Variants in CKMT2 observed in about 807,000 individuals in gnomAD.
CKMT2 encodes the protein creatine kinase S-type, mitochondrial.
CKMT2 carries 43 observed loss-of-function variants against 48.9 expected under a neutral mutation model. That is an observed-to-expected ratio of 0.88 (90% confidence interval 0.69 to 1.13). The LOEUF (loss-of-function observed/expected upper bound fraction) is 1.13, where lower values mean the gene tolerates loss of function less well. Among genes scored for constraint, CKMT2 ranks in the 50% most tolerant of loss-of-function variants. The probability of loss-of-function intolerance (pLI) is 0.00; values close to 1 mark genes in which losing one functional copy is unlikely to be tolerated. For synonymous variants in CKMT2, 206 were observed against 213.0 expected (o/e 0.97, Z 0.29); for missense variants, 472 against 555.4 (o/e 0.85, Z 1.51).
At chr5:81,261,437 T>C (rs180721488) in intron 8 of CKMT2, among the ~76,000 whole-genome samples, 1 of 152,204 alleles carries the variant, frequency 6.6e-6, no homozygotes, top group Non-Finnish European at 1.5e-5. Context: ...GATGACATGA[T>C]TGTATATTTA....
intron 1 of CKMT2, among the ~76,000 whole-genome samples, chr5:81,242,035 G>C (rs1214756897): frequency 6.6e-6 from 1 of 152,000 alleles, no homozygotes; most frequent in Non-Finnish European, 1.5e-5. Context: ...TGTTATCTGT[G>C]GGGTAGTCTC....
intron 1 of CKMT2, chr5:81,250,703 C>T (rs2112801579): frequency 6.6e-6 from 1 of 152,588 alleles, no homozygotes; most frequent in East Asian, 1.9e-4. Context: ...TTTCTCCTAC[C>T]TTTCAGAAGT....
intron 1 of CKMT2, among the ~76,000 whole-genome samples, chr5:81,237,336 G>A (rs949924672): frequency 5.9e-5 from 9 of 152,188 alleles, no homozygotes; most frequent in African/African-American, 1.9e-4. Flanking sequence ...AGCCTGTCCC[G>A]TCGTCTTCAC....
At chr5:81,236,726 A>G (rs1756254753) in intron 1 of CKMT2, among the ~76,000 whole-genome samples, 1 of 152,156 alleles carries the variant, frequency 6.6e-6, no homozygotes, top group Non-Finnish European at 1.5e-5. Context: ...GGAGTCTGGA[A>G]GAAGAACTGG....
intron 8 of CKMT2, 92 bp from the exon 9 acceptor site, chr5:81,263,399 C>A: frequency 1.5e-6 from 1 of 649,496 alleles, no homozygotes; most frequent in Non-Finnish European, 2.3e-6. Context: ...AAACTGTTAT[C>A]TCTCACTATA....
intron 1 of CKMT2, among the ~76,000 whole-genome samples, chr5:81,233,589 G>C (rs1439424799): frequency 6.6e-6 from 1 of 152,146 alleles, no homozygotes; most frequent in Admixed American, 6.5e-5. Context: ...GGTGGGGGCA[G>C]CTCAGCACCA....
chr5:81,256,464 T>C (rs573590392), intron 5 of CKMT2, among the ~76,000 whole-genome samples: 1 of 152,302 alleles, frequency 6.6e-6, no homozygotes, highest in African/African-American at 2.4e-5. Context: ...TTACTGTACA[T>C]CTCTAATACT....
At chr5:81,242,366 C>A (rs1281252336) in intron 1 of CKMT2, 4 of 457,320 alleles carry the variant, frequency 8.7e-6, no homozygotes, top group Non-Finnish European at 1.3e-5. Context: ...TGATGACATC[C>A]TTGGGCTGAG....
intron 1 of CKMT2, among the ~76,000 whole-genome samples, chr5:81,245,879 C>G (rs1042838973): frequency 4.6e-5 from 7 of 152,134 alleles, no homozygotes; most frequent in African/African-American, 1.7e-4. Flanking sequence ...CCAGTGGGCC[C>G]CAACACCTAA....
chr5:81,260,868 G>C (rs1757198976), intron 8 of CKMT2, among the ~76,000 whole-genome samples: 1 of 152,132 alleles, frequency 6.6e-6, no homozygotes, highest in African/African-American at 2.4e-5. Context: ...CATTGTATGA[G>C]GCCAGCATCA....
chr5:81,249,649 C>T (rs957766721), intron 1 of CKMT2, among the ~76,000 whole-genome samples: 3 of 135,778 alleles, frequency 2.2e-5, no homozygotes, highest in Non-Finnish European at 4.9e-5. Context: ...TACATGTTTT[C>T]TCCATTTCAG....
chr5:81,238,895 C>G (rs1032264748), intron 1 of CKMT2: 1 of 152,246 alleles, frequency 6.6e-6, no homozygotes, highest in African/African-American at 2.4e-5. Context: ...AGTGATCTGT[C>G]TCCCCCACCT....
Position 81,266,163 on chromosome 5 carries a change from G to A in CKMT2, c.1165G>A (p.Asp389Asn), listed in dbSNP as rs550283213. 1.3e-5 allele frequency: 21 copies of A among 1,612,624 alleles called. No homozygotes were observed. Among genetic ancestry groups the A allele is most frequent in the Middle Eastern group, 1.7e-4 (1 of 6,050 alleles). Residue 389 changes from aspartate (D) to asparagine (N), a missense_variant, in exon 10 of 10, where the codon GAT becomes AAT. Transcript: ENST00000254035. Reference protein sequence around the residue: ...SEVELVQIVIDGVNYLVDCEK... With the variant: ...SEVELVQIVINGVNYLVDCEK... ...GGTTGAGCTTGTTCAGATAGTCATC[G>A]ATGGAGTCAATTACCTGGTGGATTG...
Position 81,254,554 on chromosome 5 carries a change from C to A in CKMT2, c.447+63C>A. Reference sequence around the variant, plus strand: ...GCACTCCTGAGCCCAAGGGGAAGGCCCCTGGAGAGAGGGGTTCCCCGCTGT... The same window carrying A: ...GCACTCCTGAGCCCAAGGGGAAGGCACCTGGAGAGAGGGGTTCCCCGCTGT... On this transcript the variant is annotated intron_variant, in intron 4 of 9. Coordinates refer to ENST00000254035, the MANE Select transcript of CKMT2 (RefSeq NM_001099735.2). The A allele has an allele frequency of 2.8e-6, 4 of 1,437,092 alleles. No individual in the cohort carries two copies. In the South Asian group the frequency reaches 4.6e-5, roughly 16 times the overall value. 89.0% of individuals were successfully genotyped at this position (1,437,092 alleles called of 1,614,324 possible).
chr5:81,236,956 C>G (rs1170819841), intron 1 of CKMT2, among the ~76,000 whole-genome samples: 2 of 152,032 alleles, frequency 1.3e-5, no homozygotes, highest in Non-Finnish European at 2.9e-5. Flanking sequence ...TCGAGACCAG[C>G]CCGGCCAACA....
At chr5:81,251,852 T>TA (rs1257918707) in intron 2 of CKMT2, 1 of 153,156 alleles carries the variant, frequency 6.5e-6, no homozygotes, top group East Asian at 1.9e-4. Flanking sequence ...AGCACTTTTA[T>TA]GTGTGACCAG....
chr5:81,256,684 T>C (rs747703004), intron 5 of CKMT2, among the ~76,000 whole-genome samples: 2 of 152,200 alleles, frequency 1.3e-5, no homozygotes, highest in Non-Finnish European at 2.9e-5. Context: ...TAGAATCACC[T>C]GAAGAGTTTT....
At chr5:81,263,693 G>A in intron 9 of CKMT2, 77 bp downstream of exon 9, 1 of 1,417,004 alleles carries the variant, frequency 7.1e-7, no homozygotes, top group Non-Finnish European at 9.5e-7. Context: ...AAACAGCCTA[G>A]CCGTTTTCAC....
intron 1 of CKMT2, among the ~76,000 whole-genome samples, chr5:81,240,043 C>T (rs188396274): frequency 3.3e-4 from 50 of 152,042 alleles, no homozygotes; most frequent in Admixed American, 7.9e-4. Flanking sequence ...CTCACCCCCT[C>T]TTTCCCCTCC....
Sources: allele counts gnomAD v4.1 joint callset (sites outside exome capture counted in the v4.1 genomes callset), GRCh38; gene constraint gnomAD v4.1.1; transcripts MANE v1.5; gene names NCBI Gene and HGNC (gene_info 2026-07-23, HGNC 2026-07-21).